Variants in GRK5 observed in about 807,000 individuals in gnomAD.
GRK5 encodes g protein-coupled receptor kinase GRK5.
A neutral mutation model predicts 78.4 loss-of-function variants in GRK5; 40 were observed. The ratio of observed to expected loss-of-function variants is 0.51; its 90% CI spans 0.40 to 0.66. The LOEUF is 0.66. GRK5 is among the 30% of genes least tolerant of loss of function. The pLI is 0.00. For missense variants in GRK5, 598 were observed against 759.9 expected (o/e 0.79, Z 2.50); for synonymous variants, 289 against 296.8 (o/e 0.97, Z 0.27).
intron 1 of GRK5, among the ~76,000 whole-genome samples, chr10:119,252,070 A>G (rs10749306): frequency 1 from 152,071 of 152,358 alleles, 75,893 homozygotes; most frequent in Middle Eastern, 1. Flanking sequence ...TCTAAGTCAG[A>G]CATATGTCTT....
intron 2 of GRK5, among the ~76,000 whole-genome samples, chr10:119,355,435 T>C (rs1210159560): frequency 6.6e-6 from 1 of 152,184 alleles, no homozygotes; most frequent in African/African-American, 2.4e-5. Flanking sequence ...CTGGGTCATG[T>C]GGTAGTTCTG....
rs762031772 is a variant in GRK5 at position 119,336,058 on chromosome 10, A to C, written c.148+9447A>C. The C allele has an allele frequency of 1.3e-5, 2 of 152,260 alleles. No individual in the cohort carries two copies. Among genetic ancestry groups the C allele is most frequent in the Non-Finnish European group, 2.9e-5 (2 of 68,100 alleles). 9.4% of individuals were successfully genotyped at this position (152,260 alleles called of 1,614,324 possible). On this transcript the variant is annotated intron_variant, in intron 2 of 15. Transcript: ENST00000392870. The surrounding 1 kb of genome is among the most constrained non-coding windows in gnomAD (Gnocchi z 4.5). ...TGAGGACCCTTTGAGAGGGTTTTGG[A>C]GTTTCCCAGAGAAGCTGAATCGGCT...
At chr10:119,406,522 T>C in intron 4 of GRK5, 6 of 970,856 alleles carry the variant, frequency 6.2e-6, no homozygotes, top group Non-Finnish European at 7.3e-6. Flanking sequence ...TCCCAGACAC[T>C]GGCCCTGGAC....
chr10:119,283,266 C>G (rs1849792277), intron 1 of GRK5, among the ~76,000 whole-genome samples: 1 of 152,090 alleles, frequency 6.6e-6, no homozygotes, highest in Non-Finnish European at 1.5e-5. Flanking sequence ...TGTGCTCAGT[C>G]TGGGTGGACC....
intron 1 of GRK5, among the ~76,000 whole-genome samples, chr10:119,237,343 G>A (rs1848951587): frequency 6.6e-6 from 1 of 152,204 alleles, no homozygotes; most frequent in South Asian, 2.1e-4. Context: ...GATTACAGGC[G>A]TAAGCCATCT....
At chr10:119,315,898 C>T (rs532186064) in intron 1 of GRK5, among the ~76,000 whole-genome samples, 1 of 152,238 alleles carries the variant, frequency 6.6e-6, no homozygotes, top group East Asian at 1.9e-4. Flanking sequence ...AATTCATAGT[C>T]GAAAGACCCC....
rs779808867 is a variant in GRK5 at position 119,396,702 on chromosome 10, A to G, written c.269A>G (p.Tyr90Cys). 14 of 1,611,934 alleles carry G rather than the reference A, an allele frequency of 8.7e-6. No individual in the cohort carries two copies. The South Asian group carries it at 1.5e-4, about 18-fold the overall frequency. Reference sequence around the variant, plus strand: ...TTTCTCCTTCTGTTTTAGGCAGAATATGAAGTTACTCCAGATGAAAAACTG... The same window carrying G: ...TTTCTCCTTCTGTTTTAGGCAGAATGTGAAGTTACTCCAGATGAAAAACTG... ...YIQFLDSVAEYEVTPDEKLGE... is the reference protein window; with the variant it reads ...YIQFLDSVAECEVTPDEKLGE... The change falls in exon 4 of 16, where the codon TAT (tyrosine) becomes TGT (cysteine). Residue 90 changes from tyrosine to cysteine, a missense_variant. Tyr to Cys is a radical substitution (Grantham distance 194). Coordinates refer to ENST00000392870, the MANE Select transcript of GRK5 (RefSeq NM_005308.3).
At chr10:119,377,587 C>G (rs769087296) in intron 2 of GRK5, among the ~76,000 whole-genome samples, 77 of 152,182 alleles carry the variant, frequency 5.1e-4, no homozygotes, top group Admixed American at 1.4e-3. Flanking sequence ...GGGATCCTCT[C>G]TACAGCTGGG....
intron 4 of GRK5, among the ~76,000 whole-genome samples, chr10:119,419,404 TC>T (rs1448579337): frequency 6.6e-6 from 1 of 152,252 alleles, no homozygotes; most frequent in African/African-American, 2.4e-5. Context: ...CTACAACTAC[TC>T]GCTTCTTACC....
rs772301110 is a variant in GRK5 at position 119,238,939 on chromosome 10, G to C, written c.52+30970G>C. Among the ~76,000 whole-genome samples the C allele has an allele frequency of 7.9e-5, 12 of 152,098 alleles. No homozygotes were observed. The highest frequency in any genetic ancestry group is 1.6e-4 in the Non-Finnish European group (11 of 68,024). ...GCAGAAAACTTTGTTTTGGAAAAGG[G>C]GGTGTTGAAGCCAAGGCATTAGAGA... is the stretch of plus-strand genomic sequence containing the variant. On this transcript the variant is annotated intron_variant, in intron 1 of 15. Transcript: ENST00000392870. This position sits in a 1 kb window ranked among gnomAD's most constrained non-coding sequence, Gnocchi z 4.7.
intron 1 of GRK5, among the ~76,000 whole-genome samples, chr10:119,231,656 G>A (rs1266082730): frequency 6.7e-6 from 1 of 148,842 alleles, no homozygotes; most frequent in African/African-American, 2.5e-5. Flanking sequence ...GCAGTGAGCC[G>A]AGATCGTGCC....
Position 119,271,486 on chromosome 10 carries a change from A to G in GRK5, c.53-55030A>G, listed in dbSNP as rs1056981667. On this transcript the variant is annotated intron_variant, in intron 1 of 15. Transcript: ENST00000392870. The surrounding 1 kb of genome is among the most constrained non-coding windows in gnomAD (Gnocchi z 4.1). Reference sequence around the variant, plus strand: ...TAGCTCTAGTAAACAGACATTTAGCATATACAGATCTGCACACTTGACAAA... The same window carrying G: ...TAGCTCTAGTAAACAGACATTTAGCGTATACAGATCTGCACACTTGACAAA... Among the ~76,000 whole-genome samples, 1 of 152,334 alleles carries G rather than the reference A, an allele frequency of 6.6e-6. No individual in the cohort carries two copies. Among genetic ancestry groups the G allele is most frequent in the Admixed American group, 6.5e-5 (1 of 15,302 alleles).
chr10:119,248,996 C>T (rs1191784404), intron 1 of GRK5, among the ~76,000 whole-genome samples: 2 of 152,218 alleles, frequency 1.3e-5, no homozygotes, highest in East Asian at 1.9e-4. Context: ...TAGCTGGGCG[C>T]GGTGGCTCAT....
chr10:119,367,255 C>T (rs577178167), intron 2 of GRK5, among the ~76,000 whole-genome samples: 1 of 152,320 alleles, frequency 6.6e-6, no homozygotes, highest in East Asian at 1.9e-4. Flanking sequence ...CTAGCCTTCC[C>T]TGTGTTAGAT....
chr10:119,413,095 TGAG>T (rs1438010075), intron 4 of GRK5, among the ~76,000 whole-genome samples: 3 of 152,180 alleles, frequency 2.0e-5, no homozygotes. Context: ...ACTGCAGAGA[TGAG>T]GAGGAGGGCG....
chr10:119,431,382 T>C lies in GRK5; in HGVS notation c.598-5T>C. The C allele has an allele frequency of 6.2e-7, 1 of 1,612,274 alleles. No homozygotes were observed. Among genetic ancestry groups the C allele is most frequent in the Non-Finnish European group, 8.5e-7 (1 of 1,178,910 alleles). ...TGCCACCCTGGTTTCTTTCTTGCAC[T>C]GCAGGTCTGTGCCTGCCAGGTTCGG... On this transcript the variant is annotated splice_polypyrimidine_tract_variant and splice_region_variant and intron_variant, in intron 7 of 15. Transcript: ENST00000392870. The surrounding 1 kb of genome is among the most constrained non-coding windows in gnomAD (Gnocchi z 4.8).
intron 1 of GRK5, among the ~76,000 whole-genome samples, chr10:119,302,384 G>A (rs561433838): frequency 6.6e-6 from 1 of 152,346 alleles, no homozygotes; most frequent in South Asian, 2.1e-4. Flanking sequence ...CAGGGGGCAG[G>A]CTCCTCGTAT....
Position 119,380,935 on chromosome 10 carries a change from C to G in GRK5, c.261+8C>G. The G allele has an allele frequency of 6.4e-7, 1 of 1,556,384 alleles. No homozygotes were observed. The highest frequency in any genetic ancestry group is 8.9e-7 in the Non-Finnish European group (1 of 1,127,900). Reference sequence around the variant, plus strand: ...CAGTTCCTGGACTCCGTGGTAAGTTCCTGCTCCTGAGGGATGGTCCTGTGG... The same window carrying G: ...CAGTTCCTGGACTCCGTGGTAAGTTGCTGCTCCTGAGGGATGGTCCTGTGG... On this transcript the variant is annotated splice_region_variant and intron_variant, in intron 3 of 15. Coordinates refer to ENST00000392870, the MANE Select transcript of GRK5 (RefSeq NM_005308.3).
intron 6 of GRK5, among the ~76,000 whole-genome samples, chr10:119,426,702 A>C (rs1467307167): frequency 1.3e-5 from 2 of 152,076 alleles, no homozygotes; most frequent in African/African-American, 4.8e-5. Context: ...CATCATCAGC[A>C]TCACTGCATC....
Sources: gnomAD v4.1 joint callset for allele counts (sites outside exome capture counted in the v4.1 genomes callset) on GRCh38, gnomAD v4.1.1 for gene constraint, Gnocchi (gnomAD v3.1) non-coding constraint, MANE v1.5 for transcripts, NCBI Gene and HGNC (gene_info 2026-07-23, HGNC 2026-07-21) for gene names.